Variants in CLVS2 observed in about 807,000 individuals in gnomAD.
CLVS2 encodes the protein clavesin 2, also known as clavesin-2.
CLVS2 carries 19 observed loss-of-function variants against 29.0 expected under a neutral mutation model. The ratio of observed to expected loss-of-function variants is 0.66; its 90% confidence interval spans 0.46 to 0.96. CLVS2 has a LOEUF of 0.96. CLVS2 is among the 40% of genes least tolerant of loss of function. The pLI is 0.00. For missense variants in CLVS2, 294 were observed against 404.1 expected (o/e 0.73, Z 2.34); for synonymous variants, 161 against 151.3 (o/e 1.06, Z -0.47).
At chr6:123,050,007 T>C (rs7745309) in intron 4 of CLVS2, among the ~76,000 whole-genome samples, 70,934 of 151,998 alleles carry the variant, frequency 0.47, 17,204 homozygotes, top group African/African-American at 0.53. Context: ...AAGGGCTTAC[T>C]GTAAGTGAAT....
chr6:123,059,878 C>A (rs1772750017), intron 5 of CLVS2, among the ~76,000 whole-genome samples: 1 of 152,106 alleles, frequency 6.6e-6, no homozygotes, highest in East Asian at 1.9e-4. Flanking sequence ...GCTTGTAGCC[C>A]ATTAGTGGCC....
chr6:123,047,932 T>A (rs1400377569), intron 3 of CLVS2, among the ~76,000 whole-genome samples: 1 of 152,136 alleles, frequency 6.6e-6, no homozygotes, highest in Non-Finnish European at 1.5e-5. Context: ...ACCTATTTAA[T>A]CATGGGTAGG....
In CLVS2 at chr6:123,055,943, C is replaced by T. The variant is rs147426485; in HGVS notation, c.813C>T (p.Asp271=). 2.8e-4 allele frequency: 446 copies of T among 1,613,922 alleles called. 5 individuals carry two copies. The South Asian group carries it at 4.2e-3, about 15-fold the overall frequency. ...WARTLLDHEY[D]DDSEYNVDSY... is the part of the protein sequence containing the mutation. ...GAACACTGCTAGACCATGAATATGA[C>T]GATGACAGCGAGTACAATGTAGACT... is the stretch of plus-strand genomic sequence containing the variant. Residue 271 remains aspartate (D), a synonymous_variant, in exon 5 of 6, where the codon GAC becomes GAT. Coordinates refer to ENST00000275162, the MANE Select transcript of CLVS2 (RefSeq NM_001010852.4).
intron 3 of CLVS2, among the ~76,000 whole-genome samples, chr6:123,025,321 C>G (rs1774986120): frequency 6.6e-6 from 1 of 152,100 alleles, no homozygotes; most frequent in African/African-American, 2.4e-5. Context: ...ATCTGATTCA[C>G]AGTTGGTGGA....
In CLVS2 at chr6:123,016,021, C is replaced by CTTTT. The variant is rs58103603; in HGVS notation, c.564+4886_564+4889dup. On this transcript the variant is annotated intron_variant, in intron 3 of 5. Coordinates refer to ENST00000275162, the MANE Select transcript of CLVS2 (RefSeq NM_001010852.4). ...GTGATAGGTAAGGCACAACATCAGA[C>CTTTT]TTTTTTTTTTTTTTTTTTTTTTTTT... 1.5e-3 allele frequency among the ~76,000 whole-genome samples: 76 copies of CTTTT among 50,820 alleles called. 12 individuals carry two copies. In the East Asian group the frequency reaches 0.023, roughly 15 times the overall value. 33.3% of individuals were successfully genotyped at this position (50,820 alleles called of 152,430 possible).
chr6:123,012,861 C>T (rs577510455), intron 3 of CLVS2, among the ~76,000 whole-genome samples: 17 of 152,084 alleles, frequency 1.1e-4, no homozygotes, highest in African/African-American at 4.1e-4. Context: ...TTGATTCCTC[C>T]TAATTCCCAA....
At chr6:123,017,729 C>A (rs1261013666) in intron 3 of CLVS2, among the ~76,000 whole-genome samples, 2 of 152,036 alleles carry the variant, frequency 1.3e-5, no homozygotes, top group Non-Finnish European at 2.9e-5. Flanking sequence ...AGCAAGCAGG[C>A]TAAGGATTAT....
intron 4 of CLVS2, among the ~76,000 whole-genome samples, chr6:123,050,511 A>G (rs1022177087): frequency 6.6e-6 from 1 of 152,190 alleles, no homozygotes; most frequent in Admixed American, 6.6e-5. Flanking sequence ...GGATACGTGA[A>G]TTTATGGGAA....
chr6:123,035,029 G>C (rs1376905522), intron 3 of CLVS2, among the ~76,000 whole-genome samples: 1 of 152,144 alleles, frequency 6.6e-6, no homozygotes, highest in Non-Finnish European at 1.5e-5. Flanking sequence ...CTTGTTGAAT[G>C]AGAAGAAAGA....
intron 3 of CLVS2, among the ~76,000 whole-genome samples, chr6:123,031,731 G>C (rs1045773092): frequency 2.6e-5 from 4 of 151,784 alleles, no homozygotes; most frequent in Admixed American, 2.6e-4. Context: ...GATTGTCAGG[G>C]AGTAAAACTC....
intron 3 of CLVS2, among the ~76,000 whole-genome samples, chr6:123,013,072 T>A (rs1774774038): frequency 6.6e-6 from 1 of 152,046 alleles, no homozygotes; most frequent in Non-Finnish European, 1.5e-5. Context: ...AATAAGAATA[T>A]AGGATTGCTA....
chr6:123,056,535 A>G (rs1201415038), intron 5 of CLVS2, among the ~76,000 whole-genome samples: 1 of 152,158 alleles, frequency 6.6e-6, no homozygotes, highest in Admixed American at 6.6e-5. Flanking sequence ...ATTAAGGAAA[A>G]GATAAAGTAA....
chr6:123,063,347 C>A (rs537359788), intron 5 of CLVS2, among the ~76,000 whole-genome samples: 47 of 151,990 alleles, frequency 3.1e-4, no homozygotes, highest in Non-Finnish European at 5.3e-4. Flanking sequence ...TGGAAAACAT[C>A]TATCCTACAC....
chr6:123,001,548 A>T (rs1774589538), intron 2 of CLVS2, among the ~76,000 whole-genome samples: 1 of 152,206 alleles, frequency 6.6e-6, no homozygotes, highest in Non-Finnish European at 1.5e-5. Flanking sequence ...CTCCTTTTAG[A>T]TTGCCTTACA....
At chr6:123,018,668 CTTTTT>C (rs5879660) in intron 3 of CLVS2, among the ~76,000 whole-genome samples, 10 of 138,358 alleles carry the variant, frequency 7.2e-5, no homozygotes, top group African/African-American at 2.1e-4. Context: ...TTCTGAATAG[CTTTTT>C]TTTTTTTTTT....
chr6:123,060,896 A>C (rs1053090472), intron 5 of CLVS2, among the ~76,000 whole-genome samples: 1 of 152,268 alleles, frequency 6.6e-6, no homozygotes. Flanking sequence ...CTTAAACACT[A>C]TGTATTGTAG....
In CLVS2 at chr6:122,998,815, G is replaced by A. The variant is rs146513254; in HGVS notation, c.389+649G>A. On this transcript the variant is annotated intron_variant, in intron 2 of 5. Coordinates refer to ENST00000275162, the MANE Select transcript of CLVS2 (RefSeq NM_001010852.4). ...TGACTGGTGTATGTGTCCTACACCT[G>A]CCACTAATCTAAAGAATCTGTCTCC... is the stretch of plus-strand genomic sequence containing the variant. Among the ~76,000 whole-genome samples, 452 of 152,242 alleles carry A rather than the reference G, an allele frequency of 3.0e-3. 2 individuals carry two copies. The highest frequency in any genetic ancestry group is 4.2e-3 in the Non-Finnish European group (285 of 68,026).
At chr6:123,004,588 A>G (rs964517577) in intron 2 of CLVS2, among the ~76,000 whole-genome samples, 2 of 152,134 alleles carry the variant, frequency 1.3e-5, no homozygotes, top group South Asian at 2.1e-4. Flanking sequence ...CTGATCTCCT[A>G]TTTTCTGACA....
intron 3 of CLVS2, among the ~76,000 whole-genome samples, chr6:123,037,042 T>G (rs1431092005): frequency 1.3e-5 from 2 of 152,196 alleles, no homozygotes; most frequent in South Asian, 2.1e-4. Flanking sequence ...TGCCTTTACA[T>G]GTATTCATGA....
Sources: gnomAD v4.1 joint callset for allele counts (sites outside exome capture counted in the v4.1 genomes callset) on GRCh38, gnomAD v4.1.1 for gene constraint, MANE v1.5 for transcripts, NCBI Gene and HGNC (gene_info 2026-07-23, HGNC 2026-07-21) for gene names.